The following TRRAP variants were observed in gnomAD, a reference collection of about 807,000 sequenced individuals.
TRRAP encodes transformation/transcription domain associated protein.
Under a neutral mutation model 438.8 loss-of-function variants are expected in TRRAP, and 41 were observed. That is an observed-to-expected ratio of 0.09 (90% CI 0.07 to 0.12). The LOEUF (loss-of-function observed/expected upper bound fraction) is 0.12. TRRAP is among the 10% of genes least tolerant of loss of function. The pLI is 1.00. For synonymous variants in TRRAP, 1,994 were observed against 1,962.9 expected (o/e 1.02, Z -0.42); for missense variants, 3,122 against 5,055.1 (o/e 0.62, Z 11.60).
intron 12 of TRRAP, 114 bp from the exon 13 acceptor site, chr7:98,906,063 G>A (rs186315453): frequency 3.3e-5 from 26 of 782,778 alleles, no homozygotes; most frequent in Non-Finnish European, 4.9e-5. Flanking sequence ...TCCCTTTTCA[G>A]GTCTGGATTG....
chr7:98,882,156 G>T (rs559073993), intron 3 of TRRAP, 132 bp downstream of exon 3: 2 of 813,918 alleles, frequency 2.5e-6, no homozygotes, highest in Non-Finnish European at 3.7e-6. Context: ...AGTATATTTC[G>T]AAACTGAAAT....
Position 98,999,089 on chromosome 7 carries a change from G to T in TRRAP, c.10309+4241G>T. On this transcript the variant is annotated intron_variant, in intron 67 of 72. Transcript: ENST00000456197. ...CGGGCAGAGAACTCTGCTTCCGCTG[G>T]CTCTTTGACCTGGCCAGGAGTGGCC... The T allele has an allele frequency of 3.9e-6, 5 of 1,266,532 alleles. No individual in the cohort carries two copies. In the South Asian group the frequency reaches 4.4e-5, roughly 11 times the overall value. 78.5% of individuals were successfully genotyped at this position (1,266,532 alleles called of 1,614,324 possible). A position where few individuals can be genotyped will look rare whatever the true frequency, so the allele number is the denominator to read the frequency against.
At chr7:98,894,899 GT>G (rs1444786855) in intron 6 of TRRAP, among the ~76,000 whole-genome samples, 5 of 149,354 alleles carry the variant, frequency 3.3e-5, no homozygotes, top group Non-Finnish European at 5.9e-5. Context: ...GCCTCCCAAA[GT>G]GCTGGGATTA....
intron 17 of TRRAP, 103 bp downstream of exon 17, chr7:98,911,374 A>G (rs547066715): frequency 6.7e-6 from 8 of 1,190,686 alleles, no homozygotes; most frequent in East Asian, 2.6e-5. Context: ...AATGTAGCCA[A>G]GGATGTGCTT....
At chr7:99,001,145 G>A (rs1262909466) in intron 67 of TRRAP, among the ~76,000 whole-genome samples, 2 of 152,230 alleles carry the variant, frequency 1.3e-5, no homozygotes, top group African/African-American at 2.4e-5. Context: ...GGGTTGCATC[G>A]AGGTTGCATC....
chr7:98,970,427 C>A, intron 52 of TRRAP, 136 bp downstream of exon 52: 1 of 1,120,170 alleles, frequency 8.9e-7, no homozygotes, highest in Non-Finnish European at 1.2e-6. Context: ...GCCCCGCGCC[C>A]CACGGGCAGA....
chr7:98,902,630 T>C (rs6959321), intron 11 of TRRAP, among the ~76,000 whole-genome samples: 22,450 of 152,176 alleles, frequency 0.15, 5,198 homozygotes, highest in African/African-American at 0.5. Flanking sequence ...TAGGTACCCC[T>C]TGACATTTTA....
At position 98,948,664 on chromosome 7, in the gene TRRAP, C is replaced by A. The variant is rs371243202; in HGVS notation, c.4767C>A (p.Pro1589=). 6.8e-6 allele frequency: 11 copies of A among 1,614,014 alleles called. No homozygotes were observed. Among genetic ancestry groups the A allele is most frequent in the African/African-American group, 4.0e-5 (3 of 74,906 alleles). Residue 1589 remains proline, a synonymous_variant, in exon 35 of 73, where the codon CCC becomes CCA. Coordinates refer to ENST00000456197, the MANE Select transcript of TRRAP (RefSeq NM_001375524.1). The surrounding 1 kb of genome is among the most constrained non-coding windows in gnomAD (Gnocchi z 4.9). ...LFMMEATLND[P]QWSRMFMSFL... The stretch of plus-strand genomic sequence containing the variant: ...TGATGGAAGCCACACTGAACGATCC[C>A]CAGTGGAGCAGAATGTTTATGGTAA...
intron 7 of TRRAP, among the ~76,000 whole-genome samples, chr7:98,896,517 C>A (rs1406178479): frequency 2.0e-5 from 3 of 152,060 alleles, no homozygotes; most frequent in African/African-American, 7.2e-5. Flanking sequence ...TCAAGCAATT[C>A]TCCTGCCTCA....
intron 67 of TRRAP, chr7:98,999,589 C>T: frequency 1.3e-6 from 1 of 763,166 alleles, no homozygotes; most frequent in Non-Finnish European, 2.3e-6. Flanking sequence ...GTGTTCTTCC[C>T]ATAGGTTGTC....
rs201104303 is a variant in TRRAP at position 98,983,477 on chromosome 7, G to A, written c.9022+18G>A. 2.8e-5 allele frequency: 45 copies of A among 1,613,556 alleles called. No individual in the cohort carries two copies. The highest frequency in any genetic ancestry group is 1.1e-5 in the South Asian group (1 of 90,984). ...TTACCAGGGTAAACCGACCTGGTCC[G>A]GCATGCATTCATCATGTAATTTTCC... On this transcript the variant is annotated intron_variant, in intron 60 of 72. Transcript: ENST00000456197.
At chr7:98,925,837 G>A (rs1790025606) in intron 22 of TRRAP, among the ~76,000 whole-genome samples, 1 of 152,156 alleles carries the variant, frequency 6.6e-6, no homozygotes, top group South Asian at 2.1e-4. Flanking sequence ...TAGGTGCTCA[G>A]TTGTTTAAAG....
rs772087129 is a variant in TRRAP at position 98,984,893 on chromosome 7, TA to T, written c.9289-50del. The T allele has an allele frequency of 5.7e-6, 7 of 1,232,394 alleles. No homozygotes were observed. The South Asian group carries it at 7.6e-5, about 13-fold the overall frequency. 76.3% of individuals were successfully genotyped at this position (1,232,394 alleles called of 1,614,324 possible). ...AGATTAGTATTTTATGAGGTTTTCA[TA>T]TTGTTTAGAAATTTCAAGAACTTTT... On this transcript the variant is annotated intron_variant, in intron 61 of 72. Coordinates refer to ENST00000456197, the MANE Select transcript of TRRAP (RefSeq NM_001375524.1).
At chr7:98,972,772 A>G (rs1161625663) in intron 53 of TRRAP, among the ~76,000 whole-genome samples, 1 of 152,160 alleles carries the variant, frequency 6.6e-6, no homozygotes, top group Non-Finnish European at 1.5e-5. Context: ...AGCACAAACT[A>G]CTTTTCGCAA....
At chr7:98,982,862 C>T (rs560546140) in intron 59 of TRRAP, among the ~76,000 whole-genome samples, 187 of 152,252 alleles carry the variant, frequency 1.2e-3, no homozygotes, top group African/African-American at 4.3e-3. Flanking sequence ...GGAAAAGGCA[C>T]GCCTGCAGCA....
At chr7:98,942,869 A>G in intron 30 of TRRAP, 80 bp from the exon 31 acceptor site, 1 of 1,495,340 alleles carries the variant, frequency 6.7e-7, no homozygotes, top group Non-Finnish European at 9.3e-7. Context: ...ACACGATGGA[A>G]ATGAATGATT....
intron 45 of TRRAP, among the ~76,000 whole-genome samples, chr7:98,960,612 G>A (rs889123980): frequency 6.6e-6 from 1 of 151,844 alleles, no homozygotes; most frequent in Non-Finnish European, 1.5e-5. Context: ...TCGTTTTTTT[G>A]AGACAGTCTC....
chr7:98,902,546 T>G (rs3779190), intron 11 of TRRAP, among the ~76,000 whole-genome samples: 58,984 of 152,062 alleles, frequency 0.39, 13,846 homozygotes, highest in Non-Finnish European at 0.51. Flanking sequence ...TTTTCCCCCT[T>G]AATTTTAATG....
intron 53 of TRRAP, among the ~76,000 whole-genome samples, chr7:98,975,734 CAA>C (rs959359313): frequency 3.8e-4 from 58 of 152,194 alleles, no homozygotes; most frequent in African/African-American, 1.3e-3. Context: ...TACCTGTTGG[CAA>C]ATAGTTTATG....
Sources: allele counts gnomAD v4.1 joint callset (sites outside exome capture counted in the v4.1 genomes callset), GRCh38; gene constraint gnomAD v4.1.1; non-coding constraint Gnocchi (gnomAD v3.1); transcripts MANE v1.5; gene names NCBI Gene and HGNC (gene_info 2026-07-23, HGNC 2026-07-21).